Variants in PPARGC1A observed in about 807,000 individuals in gnomAD.
PPARGC1A encodes PPARG coactivator 1 alpha.
PPARGC1A carries 25 observed loss-of-function variants against 88.7 expected under a neutral mutation model. That is an observed-to-expected ratio of 0.28 (90% CI 0.21 to 0.39). The LOEUF is 0.39. Ranked by LOEUF, PPARGC1A falls within the 10% of genes least tolerant of loss-of-function variation. PPARGC1A has a pLI of 1.00. For synonymous variants in PPARGC1A, 363 were observed against 355.6 expected (o/e 1.02, Z -0.24); for missense variants, 880 against 968.7 (o/e 0.91, Z 1.22).
chr4:24,230,146 A>C, the PPARGC1A span, among the ~76,000 whole-genome samples: 3 of 152,324 alleles, frequency 2.0e-5, no homozygotes, highest in African/African-American at 7.2e-5. Flanking sequence ...TATTGATTGC[A>C]GCGCTGCTCT....
the PPARGC1A span, among the ~76,000 whole-genome samples, chr4:23,933,685 C>A: frequency 1.3e-5 from 2 of 152,224 alleles, no homozygotes; most frequent in African/African-American, 4.8e-5. Flanking sequence ...GCTAGCCTTG[C>A]CTGTGCCATG....
the PPARGC1A span, among the ~76,000 whole-genome samples, chr4:24,054,198 A>G: frequency 6.6e-6 from 1 of 151,900 alleles, no homozygotes; most frequent in East Asian, 1.9e-4. Context: ...AAGAAGAGGT[A>G]TCCTAAGGGG....
chr4:24,221,634 G>T, the PPARGC1A span, among the ~76,000 whole-genome samples: 1 of 152,170 alleles, frequency 6.6e-6, no homozygotes, highest in African/African-American at 2.4e-5. Flanking sequence ...TTGGCTGACT[G>T]CAGTGACTCA....
chr4:23,885,593 A>C (rs1452051412), intron 1 of PPARGC1A, among the ~76,000 whole-genome samples: 2 of 152,182 alleles, frequency 1.3e-5, no homozygotes, highest in Non-Finnish European at 2.9e-5. Flanking sequence ...CTTAAGATGA[A>C]GGACAAAAAT....
chr4:23,924,464 A>G, the PPARGC1A span, among the ~76,000 whole-genome samples: 43,008 of 151,888 alleles, frequency 0.28, 6,775 homozygotes, highest in East Asian at 0.44. Context: ...CATCTCTACT[A>G]AAAATACAAA....
the PPARGC1A span, among the ~76,000 whole-genome samples, chr4:24,303,306 G>GTGTTAGAGTC: frequency 6.6e-6 from 1 of 152,208 alleles, no homozygotes; most frequent in Non-Finnish European, 1.5e-5. Flanking sequence ...ATAGAAAGAT[G>GTGTTAGAGTC]TGTTAGAGTC....
chr4:24,109,334 C>G, the PPARGC1A span, among the ~76,000 whole-genome samples: 1 of 150,078 alleles, frequency 6.7e-6, no homozygotes, highest in African/African-American at 2.5e-5. Flanking sequence ...CACACACACA[C>G]ACACACTTTT....
the PPARGC1A span, among the ~76,000 whole-genome samples, chr4:24,125,059 T>C: frequency 8.6e-5 from 13 of 152,010 alleles, no homozygotes; most frequent in African/African-American, 3.1e-4. Flanking sequence ...TAACGCTTCA[T>C]AGAAAATATT....
the PPARGC1A span, among the ~76,000 whole-genome samples, chr4:23,983,885 C>A: frequency 1.3e-5 from 2 of 151,946 alleles, no homozygotes; most frequent in Non-Finnish European, 2.9e-5. Context: ...CTTAAAATTG[C>A]CCCATCTCTC....
the PPARGC1A span, among the ~76,000 whole-genome samples, chr4:23,995,462 G>A: frequency 6.6e-6 from 1 of 152,102 alleles, no homozygotes; most frequent in East Asian, 1.9e-4. Context: ...ATATCCCTCA[G>A]TGGTCCTCAG....
At chr4:24,302,609 C>T in the PPARGC1A span, among the ~76,000 whole-genome samples, 3 of 152,212 alleles carry the variant, frequency 2.0e-5, no homozygotes, top group African/African-American at 4.8e-5. Flanking sequence ...TTCAGGCCCT[C>T]GTTTACAGCA....
At chr4:24,282,782 G>A in the PPARGC1A span, among the ~76,000 whole-genome samples, 7 of 152,190 alleles carry the variant, frequency 4.6e-5, no homozygotes, top group African/African-American at 1.7e-4. Context: ...TGCTCCGGCT[G>A]CTTGCTCCTA....
the PPARGC1A span, among the ~76,000 whole-genome samples, chr4:24,221,105 GA>G: frequency 1.3e-5 from 2 of 152,126 alleles, no homozygotes; most frequent in African/African-American, 4.8e-5. Context: ...ACTTTTAGAA[GA>G]CAGGGAATAA....
chr4:24,051,075 C>T, the PPARGC1A span, among the ~76,000 whole-genome samples: 4 of 148,966 alleles, frequency 2.7e-5, no homozygotes, highest in Non-Finnish European at 5.9e-5. Flanking sequence ...ATAGTCCCAG[C>T]TACTTGGGAG....
the PPARGC1A span, among the ~76,000 whole-genome samples, chr4:24,306,014 A>G: frequency 6.6e-6 from 1 of 152,178 alleles, no homozygotes; most frequent in African/African-American, 2.4e-5. Context: ...AGAAATCTGA[A>G]TGACACCAAA....
the PPARGC1A span, among the ~76,000 whole-genome samples, chr4:23,913,267 T>TATATAG: frequency 5.2e-5 from 4 of 77,506 alleles, no homozygotes; most frequent in African/African-American, 2.2e-4. Flanking sequence ...TATATATATA[T>TATATAG]AGAGAGAGAG....
chr4:24,021,683 C>T, the PPARGC1A span, among the ~76,000 whole-genome samples: 19 of 152,178 alleles, frequency 1.2e-4, no homozygotes, highest in Admixed American at 5.9e-4. Context: ...CTCTGTGCCA[C>T]ATTCATCACC....
chr4:23,903,267 G>A (rs1351655420), upstream of PPARGC1A, among the ~76,000 whole-genome samples: 1 of 152,080 alleles, frequency 6.6e-6, no homozygotes, highest in Admixed American at 6.6e-5. Flanking sequence ...TTAAGAACCC[G>A]GGTTCTTATC....
the PPARGC1A span, among the ~76,000 whole-genome samples, chr4:24,389,149 A>T: frequency 6.6e-6 from 1 of 152,264 alleles, no homozygotes; most frequent in South Asian, 2.1e-4. Flanking sequence ...TTATTTTTAA[A>T]ACATTTTCAG....
Sources: allele counts gnomAD v4.1 joint callset (sites outside exome capture counted in the v4.1 genomes callset), GRCh38; gene constraint gnomAD v4.1.1; transcripts MANE v1.5; gene names NCBI Gene and HGNC (gene_info 2026-07-23, HGNC 2026-07-21).